Variants in FRMD4A observed in about 807,000 individuals in gnomAD.
FRMD4A encodes the protein FERM domain containing 4A.
FRMD4A carries 29 observed loss-of-function variants against 129.1 expected under a neutral mutation model. That is an observed-to-expected ratio of 0.22 (90% CI 0.17 to 0.31). FRMD4A has a LOEUF of 0.31. Ranked by LOEUF, FRMD4A falls within the 10% of genes least tolerant of loss-of-function variation. FRMD4A has a pLI of 1.00. For synonymous variants in FRMD4A, 634 were observed against 571.6 expected (o/e 1.11, Z -1.56); for missense variants, 1,272 against 1,375.8 (o/e 0.92, Z 1.19).
intron 2 of FRMD4A, among the ~76,000 whole-genome samples, chr10:14,290,466 T>A (rs960142107): frequency 5.3e-5 from 8 of 152,204 alleles, no homozygotes; most frequent in African/African-American, 1.9e-4. Flanking sequence ...ATGCCAAGAA[T>A]ACATACTGGG....
intron 2 of FRMD4A, among the ~76,000 whole-genome samples, chr10:13,979,328 A>G (rs1390567617): frequency 6.6e-6 from 1 of 152,176 alleles, no homozygotes; most frequent in Non-Finnish European, 1.5e-5. Flanking sequence ...GGGTCCCCAG[A>G]GAGAAGGGCA....
chr10:14,134,189 C>T (rs920001528), intron 2 of FRMD4A, among the ~76,000 whole-genome samples: 84 of 152,134 alleles, frequency 5.5e-4, no homozygotes, highest in Middle Eastern at 3.4e-3. Flanking sequence ...TCCCATTCTG[C>T]TGTATAGCAT....
intron 2 of FRMD4A, among the ~76,000 whole-genome samples, chr10:14,229,003 C>A (rs972993388): frequency 6.6e-6 from 1 of 152,098 alleles, no homozygotes; most frequent in Non-Finnish European, 1.5e-5. Flanking sequence ...TAACACGAGC[C>A]CTGCTGGAAT....
At chr10:13,919,732 G>A (rs1428669582) in intron 2 of FRMD4A, among the ~76,000 whole-genome samples, 11 of 152,106 alleles carry the variant, frequency 7.2e-5, no homozygotes, top group Non-Finnish European at 1.6e-4. Context: ...GAGGTTAGGA[G>A]TTCGAGACCA....
intron 14 of FRMD4A, among the ~76,000 whole-genome samples, chr10:13,696,683 G>T (rs2086252495): frequency 6.6e-6 from 1 of 152,204 alleles, no homozygotes; most frequent in African/African-American, 2.4e-5. Context: ...GGCGGAGGTT[G>T]CAGTGAGCTG....
At chr10:14,168,881 C>T (rs1254329510) in intron 2 of FRMD4A, among the ~76,000 whole-genome samples, 1 of 152,138 alleles carries the variant, frequency 6.6e-6, no homozygotes, top group Non-Finnish European at 1.5e-5. Flanking sequence ...GCCATGGTGC[C>T]TCTCACATTT....
At chr10:14,321,749 G>T (rs1174138069) in intron 2 of FRMD4A, among the ~76,000 whole-genome samples, 1 of 152,128 alleles carries the variant, frequency 6.6e-6, no homozygotes, top group Admixed American at 6.5e-5. Flanking sequence ...CAGGTAAGAG[G>T]CCCTGCAGGT....
intron 2 of FRMD4A, among the ~76,000 whole-genome samples, chr10:14,223,662 G>A (rs1843335911): frequency 6.6e-6 from 1 of 150,700 alleles, no homozygotes; most frequent in African/African-American, 2.4e-5. Flanking sequence ...GATCATTTCT[G>A]GCTGGGAGGT....
chr10:13,769,533 C>T (rs2092391909), intron 6 of FRMD4A, among the ~76,000 whole-genome samples: 1 of 152,120 alleles, frequency 6.6e-6, no homozygotes, highest in Non-Finnish European at 1.5e-5. Flanking sequence ...TGGTCTAGAA[C>T]TCCTGGGCTC....
At chr10:13,943,646 C>CAAAAAAAAAAAAAAAAAAAA (rs55774636) in intron 2 of FRMD4A, among the ~76,000 whole-genome samples, 6 of 58,266 alleles carry the variant, frequency 1.0e-4, no homozygotes, top group Admixed American at 2.7e-4. Context: ...GACTCTGTCT[C>CAAAAAAAAAAAAAAAAAAAA]AAAAAAAAAA....
At chr10:14,037,073 A>G (rs937191403) in intron 2 of FRMD4A, among the ~76,000 whole-genome samples, 6 of 152,212 alleles carry the variant, frequency 3.9e-5, no homozygotes, top group South Asian at 4.1e-4. Flanking sequence ...AGTGGCAACC[A>G]CTTTTACATG....
intron 2 of FRMD4A, among the ~76,000 whole-genome samples, chr10:14,078,526 C>A (rs74862716): frequency 6.6e-6 from 1 of 152,212 alleles, no homozygotes; most frequent in Non-Finnish European, 1.5e-5. Context: ...CAGCATGGAA[C>A]CTGTCTCTCT....
intron 13 of FRMD4A, among the ~76,000 whole-genome samples, chr10:13,702,046 C>T (rs547974898): frequency 7.2e-4 from 109 of 152,194 alleles, no homozygotes; most frequent in African/African-American, 2.5e-3. Context: ...TGTGCCCAGC[C>T]CCAATTCCCC....
chr10:13,961,328 C>T lies in FRMD4A; in HGVS notation c.46-102416G>A, dbSNP rs563865431. Among the ~76,000 whole-genome samples, 4 of 152,338 alleles carry T rather than the reference C, an allele frequency of 2.6e-5. No homozygotes were observed. In the East Asian group the frequency reaches 5.8e-4, roughly 22 times the overall value. On this transcript the variant is annotated intron_variant, in intron 2 of 24. Coordinates refer to ENST00000357447, the MANE Select transcript of FRMD4A (RefSeq NM_018027.5). ...TCTGGTGTGGTGATGAGCTCATACC[C>T]TTGAGAATGAAGAAAATTTCCATCT...
chr10:14,313,620 G>C (rs916035403), intron 2 of FRMD4A, among the ~76,000 whole-genome samples: 1 of 68,032 alleles, frequency 1.5e-5, no homozygotes, highest in Non-Finnish European at 4.4e-5. Flanking sequence ...TTATCTCTCA[G>C]ATTTGGACAG....
intron 2 of FRMD4A, among the ~76,000 whole-genome samples, chr10:14,011,973 C>T (rs2095684025): frequency 6.7e-6 from 1 of 150,372 alleles, no homozygotes; most frequent in Non-Finnish European, 1.5e-5. Flanking sequence ...TGCACCACTG[C>T]ACTCCAGCCT....
chr10:13,790,523 T>G (rs1016545439), intron 5 of FRMD4A, among the ~76,000 whole-genome samples: 1 of 152,020 alleles, frequency 6.6e-6, no homozygotes, highest in African/African-American at 2.4e-5. Context: ...GCAGGGAACC[T>G]GCCCCGAGCC....
intron 3 of FRMD4A, among the ~76,000 whole-genome samples, chr10:13,819,198 ATT>A: frequency 6.6e-6 from 1 of 152,128 alleles, no homozygotes. Flanking sequence ...CTAGCCTGGT[ATT>A]TAAGACCACC....
rs140110423 is a variant in FRMD4A at position 14,297,545 on chromosome 10, A to G, written c.45+32513T>C. Among the ~76,000 whole-genome samples the G allele has an allele frequency of 2.7e-3, 412 of 152,294 alleles. 5 individuals carry two copies. Among genetic ancestry groups the G allele is most frequent in the African/African-American group, 9.8e-3 (406 of 41,550 alleles). Reference sequence around the variant, plus strand: ...GTGAGGTGAACAAATATTGTCTTCAATGCTTCCTACCTCCCCAACACCCAC... The same window carrying G: ...GTGAGGTGAACAAATATTGTCTTCAGTGCTTCCTACCTCCCCAACACCCAC... On this transcript the variant is annotated intron_variant, in intron 2 of 24. Coordinates refer to ENST00000357447, the MANE Select transcript of FRMD4A (RefSeq NM_018027.5).
Sources: gnomAD v4.1 joint callset for allele counts (sites outside exome capture counted in the v4.1 genomes callset) on GRCh38, gnomAD v4.1.1 for gene constraint, MANE v1.5 for transcripts, NCBI Gene and HGNC (gene_info 2026-07-23, HGNC 2026-07-21) for gene names.